MUC22: variants seen among roughly 807,000 people sequenced by gnomAD.
MUC22 encodes the protein mucin-22.
In MUC22, 24 loss-of-function variants were observed where a neutral mutation model predicts 40.3. The ratio of observed to expected loss-of-function variants is 0.60; its 90% CI spans 0.43 to 0.84. The LOEUF is 0.84. Among genes scored for constraint, MUC22 ranks in the 40% least tolerant of loss-of-function variants. The pLI is 0.00. For missense variants in MUC22, 1,926 were observed against 2,130.7 expected (o/e 0.90, Z 1.89); for synonymous variants, 765 against 844.5 (o/e 0.91, Z 1.63).
chr6:31,016,900 G>T (rs1469278315), intron 1 of MUC22, among the ~76,000 whole-genome samples: 1 of 152,202 alleles, frequency 6.6e-6, no homozygotes, highest in Non-Finnish European at 1.5e-5. Context: ...TCGGGCTGGC[G>T]TGGCCAGCAC....
chr6:31,032,375 A>G lies in MUC22; in HGVS notation c.4849A>G (p.Thr1617Ala). ...CACCTCAGCCCACGGCGTCAGGACC[A>G]CCACAGGATCCACCCGTGAGCCAAC... Residue 1617 changes from threonine (T) to alanine (A), a missense_variant, in exon 3 of 4, where the codon ACC becomes GCC. Thr to Ala is a moderately conservative substitution (Grantham distance 58). Coordinates refer to ENST00000561890, the Ensembl canonical transcript of MUC22. The surrounding 1 kb of genome is among the most constrained non-coding windows in gnomAD (Gnocchi z 4.1). 6.5e-7 allele frequency: 1 copy of G among 1,535,660 alleles called. No individual in the cohort carries two copies. The highest frequency in any genetic ancestry group is 8.7e-7 in the Non-Finnish European group (1 of 1,146,908).
chr6:31,021,014 G>A (rs1300315274), intron 1 of MUC22, among the ~76,000 whole-genome samples: 2 of 146,230 alleles, frequency 1.4e-5, no homozygotes, highest in African/African-American at 5.1e-5. Flanking sequence ...CCCCCTCCAT[G>A]GGCTTCTGTG....
At chr6:31,021,043 T>C (rs1764682515) in intron 1 of MUC22, among the ~76,000 whole-genome samples, 2 of 152,110 alleles carry the variant, frequency 1.3e-5, no homozygotes, top group Non-Finnish European at 1.5e-5. Flanking sequence ...GCCTCCCCGA[T>C]GAGCGCCGCC....
At chr6:31,016,419 GT>G (rs1461719838) in intron 1 of MUC22, among the ~76,000 whole-genome samples, 1 of 152,146 alleles carries the variant, frequency 6.6e-6, no homozygotes, top group Non-Finnish European at 1.5e-5. Context: ...AGACGTGGCA[GT>G]TTAGATTGGG....
chr6:31,025,766 C>T (rs2150781551), exon 2 of MUC22: 1 of 1,532,386 alleles, frequency 6.5e-7, no homozygotes, highest in East Asian at 2.5e-5. Context: ...AGGACCTTCA[C>T]CACAGGCTCT....
chr6:31,023,334 G>A (rs925219979), intron 1 of MUC22, among the ~76,000 whole-genome samples: 7 of 152,074 alleles, frequency 4.6e-5, no homozygotes, highest in Admixed American at 3.3e-4. Context: ...CCAGGAGTTC[G>A]AGACAAGCCC....
At chr6:31,030,041 T>C in exon 2 of MUC22, 1 of 1,535,742 alleles carries the variant, frequency 6.5e-7, no homozygotes, top group Non-Finnish European at 8.7e-7. Flanking sequence ...TCCACCACGT[T>C]TGTACTCACC....
At chr6:31,013,643 T>C (rs1764000148) in intron 1 of MUC22, among the ~76,000 whole-genome samples, 1 of 152,182 alleles carries the variant, frequency 6.6e-6, no homozygotes, top group African/African-American at 2.4e-5. Flanking sequence ...AGGGTTCCTG[T>C]TGGCATTTAC....
intron 3 of MUC22, among the ~76,000 whole-genome samples, chr6:31,034,324 G>A (rs7768644): frequency 0.094 from 14,282 of 152,274 alleles, 815 homozygotes; most frequent in African/African-American, 0.14. Context: ...AAGACTGTCT[G>A]TAAAGTGAGT....
chr6:31,021,222 C>T (rs1418560049), intron 1 of MUC22, among the ~76,000 whole-genome samples: 2 of 152,204 alleles, frequency 1.3e-5, no homozygotes, highest in African/African-American at 2.4e-5. Flanking sequence ...TTATGTCTAG[C>T]TTAGGGATTG....
chr6:31,034,278 C>T (rs1766285131), intron 3 of MUC22, among the ~76,000 whole-genome samples: 1 of 152,202 alleles, frequency 6.6e-6, no homozygotes, highest in Non-Finnish European at 1.5e-5. Context: ...ATTCCACGTA[C>T]CTGTTCTGAG....
exon 1 of MUC22, chr6:31,010,683 A>G (rs1763802460): frequency 1.4e-6 from 1 of 702,486 alleles, no homozygotes; most frequent in Non-Finnish European, 2.6e-6. Context: ...TCTAAATGAC[A>G]ACTTCTATGT....
At chr6:31,007,823 A>C (rs189457125), upstream of MUC22, among the ~76,000 whole-genome samples, 1 of 152,288 alleles carries the variant, frequency 6.6e-6, no homozygotes, top group East Asian at 1.9e-4. The surrounding 1 kb of genome is among the most constrained non-coding windows in gnomAD (Gnocchi z 4.0). Context: ...CTTCCTAGTC[A>C]TCAGAACCCT....
intron 1 of MUC22, among the ~76,000 whole-genome samples, chr6:31,021,823 G>A (rs1444105074): frequency 2.6e-5 from 4 of 152,176 alleles, no homozygotes; most frequent in African/African-American, 9.7e-5. Flanking sequence ...GGCTGCCCGA[G>A]CCAGCAGTGG....
At chr6:31,035,097 G>A (rs115084959) in exon 4 of MUC22, 4 of 805,076 alleles carry the variant, frequency 5.0e-6, no homozygotes, top group Non-Finnish European at 7.6e-6. Flanking sequence ...TGGAGCATAG[G>A]AAGCTTCCCA....
exon 2 of MUC22, chr6:31,025,571 C>G (rs1765209986): frequency 6.6e-7 from 1 of 1,526,062 alleles, no homozygotes; most frequent in Admixed American, 2.0e-5. Flanking sequence ...GGCTCTGAGA[C>G]CACCATGGCC....
Position 31,026,932 on chromosome 6 carries a change from G to T in MUC22, c.1501G>T (p.Ala501Ser), listed in dbSNP as rs776097637. The change falls in exon 2 of 4, where the codon GCA becomes TCA. Residue 501 changes from alanine (A) to serine (S), a missense_variant. Transcript: ENST00000561890. Reference sequence around the variant, plus strand: ...AGGCTCTGAGACCACAGTCTCCACTGCAGGCTCTGAGACCACTGCAGCCTC... The same window carrying T: ...AGGCTCTGAGACCACAGTCTCCACTTCAGGCTCTGAGACCACTGCAGCCTC... The T allele has an allele frequency of 2.7e-6, 4 of 1,503,480 alleles. No homozygotes were observed. The South Asian group carries it at 4.9e-5, about 18-fold the overall frequency. 93.1% of individuals were successfully genotyped at this position (1,503,480 alleles called of 1,614,324 possible).
intron 1 of MUC22, among the ~76,000 whole-genome samples, chr6:31,021,690 G>A (rs571914688): frequency 5.9e-5 from 9 of 152,110 alleles, no homozygotes; most frequent in Admixed American, 1.3e-4. Context: ...TGATGGGGAC[G>A]TGGAGAACCT....
At chr6:31,016,362 G>A (rs931715900) in intron 1 of MUC22, among the ~76,000 whole-genome samples, 3 of 152,228 alleles carry the variant, frequency 2.0e-5, no homozygotes, top group Middle Eastern at 6.8e-3. Context: ...TGTGAGCAGG[G>A]GTAGGGCCTG....
Sources: gnomAD v4.1 joint callset for allele counts (sites outside exome capture counted in the v4.1 genomes callset) on GRCh38, gnomAD v4.1.1 for gene constraint, Gnocchi (gnomAD v3.1) non-coding constraint, MANE v1.5 for transcripts, NCBI Gene and HGNC (gene_info 2026-07-23, HGNC 2026-07-21) for gene names.